Variants in COL6A5 observed in about 807,000 individuals in gnomAD.
The protein encoded by COL6A5 is collagen alpha-5(VI) chain.
Under a neutral mutation model 65.6 loss-of-function variants are expected in COL6A5, and 48 were observed. The observed-to-expected ratio is 0.73, with a 90% CI of 0.58 to 0.93. COL6A5 has a LOEUF of 0.93. Ranked by LOEUF, COL6A5 falls within the 40% of genes least tolerant of loss-of-function variation. COL6A5 has a pLI of 0.00. For missense variants in COL6A5, 914 were observed against 928.3 expected, an observed-to-expected ratio of 0.98 and a Z score of 0.20; for synonymous variants, 291 against 322.8, an observed-to-expected ratio of 0.90 and a Z score of 1.05.
chr3:130,387,293 A>G (rs985825999), intron 5 of COL6A5, among the ~76,000 whole-genome samples: 7 of 152,164 alleles, frequency 4.6e-5, no homozygotes, highest in African/African-American at 9.7e-5. Flanking sequence ...TAGATGGGCA[A>G]TCATCTGCCT....
chr3:130,471,978 T>A, intron 7 of COL6A5, 52 bp downstream of exon 40: 4 of 1,483,632 alleles, frequency 2.7e-6, no homozygotes, highest in Non-Finnish European at 3.6e-6. Flanking sequence ...TTGTTTGGAT[T>A]TTCCCCTGGT....
chr3:130,423,783 G>T, intron 28 of COL6A5, 55 bp from the exon 29 acceptor site: 1 of 1,330,788 alleles, frequency 7.5e-7, no homozygotes, highest in South Asian at 1.4e-5. Context: ...AACTGAAGTA[G>T]TCCCCATAGA....
intron 5 of COL6A5, among the ~76,000 whole-genome samples, chr3:130,456,828 T>C (rs935203517): frequency 6.6e-6 from 1 of 151,932 alleles, no homozygotes; most frequent in Non-Finnish European, 1.5e-5. Context: ...TGGGATAAAA[T>C]TTTTTTTCTT....
At position 130,421,176 on chromosome 3, in the gene COL6A5, C is replaced by T. The variant is rs190247851; in HGVS notation, c.4974C>T (p.Tyr1658=). Residue 1658 remains tyrosine, a synonymous_variant and NMD_transcript_variant, in exon 26 of 42, where the codon TAC becomes TAT. Transcript: ENST00000312481. ...AGGGAGATTCTGGCATCCCAGGCTA[C>T]GGTCAGATGGGACGAAAAGGAGTAA... 1.0e-4 allele frequency: 158 copies of T among 1,550,538 alleles called. 2 individuals are homozygous for T. The South Asian group carries it at 1.2e-3, about 12-fold the overall frequency.
At chr3:130,404,832 A>T (rs1214521656) in intron 13 of COL6A5, among the ~76,000 whole-genome samples, 1 of 152,226 alleles carries the variant, frequency 6.6e-6, no homozygotes, top group Non-Finnish European at 1.5e-5. Flanking sequence ...TTACTAGTTA[A>T]TTATTCATGC....
At chr3:130,387,561 A>G (rs1347456810) in intron 5 of COL6A5, among the ~76,000 whole-genome samples, 1 of 152,120 alleles carries the variant, frequency 6.6e-6, no homozygotes, top group East Asian at 1.9e-4. Context: ...TGGCAGCTTG[A>G]ATCTTAAAAT....
intron 3 of COL6A5, 105 bp from the exon 36 acceptor site, chr3:130,443,371 T>A: frequency 2.5e-6 from 2 of 794,960 alleles, no homozygotes. Context: ...CTGAAATATG[T>A]TAGTGACATT....
intron 7 of COL6A5, among the ~76,000 whole-genome samples, chr3:130,481,471 G>A (rs1710238493): frequency 6.6e-6 from 1 of 152,110 alleles, no homozygotes; most frequent in Non-Finnish European, 1.5e-5. Context: ...TTGCTTCCAA[G>A]TCTTTGCTAT....
At chr3:130,353,710 A>G (rs1283050095) in intron 1 of COL6A5, among the ~76,000 whole-genome samples, 1 of 93,258 alleles carries the variant, frequency 1.1e-5, no homozygotes, top group African/African-American at 3.1e-5. Flanking sequence ...GCAAAGGGCT[A>G]AGTAAAATTT....
chr3:130,452,026 AG>A (rs1709453791), intron 4 of COL6A5, among the ~76,000 whole-genome samples: 1 of 152,198 alleles, frequency 6.6e-6, no homozygotes, highest in Admixed American at 6.5e-5. Context: ...AACCAAGGAC[AG>A]TGTTCTTCTA....
At chr3:130,440,490 A>T in exon 3 of COL6A5, 4 of 1,613,776 alleles carry the variant, frequency 2.5e-6, no homozygotes, top group Non-Finnish European at 3.4e-6. Context: ...TCCTTCCAAC[A>T]GCTAAATGGA....
At chr3:130,428,870 A>G (rs1937675844), upstream of COL6A5, among the ~76,000 whole-genome samples, 1 of 152,166 alleles carries the variant, frequency 6.6e-6, no homozygotes, top group Non-Finnish European at 1.5e-5. Flanking sequence ...CAGTATTAAT[A>G]ATATCTTTTA....
chr3:130,409,185 T>G, intron 17 of COL6A5, 141 bp from the exon 18 acceptor site: 2 of 592,122 alleles, frequency 3.4e-6, no homozygotes, highest in Non-Finnish European at 5.8e-6. Flanking sequence ...TAGTACTGCT[T>G]GAGAAGTCTG....
rs322118 is a variant in COL6A5, at chr3:130,471,933, G to C, written c.2328+966G>C. On this transcript the variant is annotated intron_variant, in intron 7 of 7. Coordinates refer to ENST00000512836, the Ensembl canonical transcript of COL6A5. The stretch of plus-strand genomic sequence containing the variant: ...AAACAGCAAGAAAAAGAAGGTAATC[G>C]TGAGTACCATAGAGCTGAAGACCCT... 194 of 1,533,728 alleles carry C rather than the reference G, an allele frequency of 1.3e-4. No homozygotes were observed. Among genetic ancestry groups the C allele is most frequent in the Non-Finnish European group, 1.7e-4 (193 of 1,145,618 alleles).
chr3:130,435,661 A>T (rs1484060399), intron 1 of COL6A5, among the ~76,000 whole-genome samples: 1 of 152,124 alleles, frequency 6.6e-6, no homozygotes, highest in Non-Finnish European at 1.5e-5. Flanking sequence ...ATCCCTTGTT[A>T]GCTGTATTGC....
intron 4 of COL6A5, among the ~76,000 whole-genome samples, chr3:130,449,044 CAGG>C (rs1459218854): frequency 6.6e-6 from 1 of 152,110 alleles, no homozygotes; most frequent in Non-Finnish European, 1.5e-5. Context: ...ACTAGAAACA[CAGG>C]AGAATTCCAA....
chr3:130,414,773 G>C (rs780271640), intron 22 of COL6A5, among the ~76,000 whole-genome samples: 1 of 152,026 alleles, frequency 6.6e-6, no homozygotes, highest in East Asian at 1.9e-4. Flanking sequence ...GCCTGGACTC[G>C]TATGGAAGGG....
upstream of COL6A5, chr3:130,429,684 T>C: frequency 1.1e-6 from 1 of 938,092 alleles, no homozygotes; most frequent in Non-Finnish European, 1.6e-6. Context: ...GAAACAGGAC[T>C]TCTTCCTTCT....
At chr3:130,372,044 C>G (rs1296747463) in intron 1 of COL6A5, among the ~76,000 whole-genome samples, 1 of 151,944 alleles carries the variant, frequency 6.6e-6, no homozygotes. Context: ...AGATGTTTCA[C>G]CAAATAAGAG....
Sources: gnomAD v4.1 joint callset for allele counts (sites outside exome capture counted in the v4.1 genomes callset) on GRCh38, gnomAD v4.1.1 for gene constraint, MANE v1.5 for transcripts, NCBI Gene and HGNC (gene_info 2026-07-23, HGNC 2026-07-21) for gene names.